The following PARD3B variants were observed in gnomAD, a reference collection of about 807,000 sequenced individuals.
PARD3B encodes the protein par-3 family cell polarity regulator beta, also known as partitioning defective 3 homolog B.
PARD3B carries 103 observed loss-of-function variants against 130.2 expected under a neutral mutation model. That is an observed-to-expected ratio of 0.79 (90% CI 0.67 to 0.93). The LOEUF (loss-of-function observed/expected upper bound fraction) is 0.93, where lower values mean the gene tolerates loss of function less well. Among genes scored for constraint, PARD3B ranks in the 40% least tolerant of loss-of-function variants. PARD3B has a pLI of 0.00. For synonymous variants in PARD3B, 583 were observed against 553.2 expected (o/e 1.05, Z -0.76); for missense variants, 1,609 against 1,499.2 (o/e 1.07, Z -1.21).
At chr2:204,564,642 G>A (rs1429547537) in intron 1 of PARD3B, among the ~76,000 whole-genome samples, 1 of 152,054 alleles carries the variant, frequency 6.6e-6, no homozygotes, top group East Asian at 1.9e-4. Context: ...AAAAAAATGT[G>A]GTGAGAACCA....
intron 19 of PARD3B, among the ~76,000 whole-genome samples, chr2:205,426,893 TC>T (rs1261273067): frequency 6.6e-6 from 1 of 152,122 alleles, no homozygotes; most frequent in African/African-American, 2.4e-5. Context: ...CTAATATTGC[TC>T]CTATTCAAAG....
chr2:204,747,965 G>A (rs907112716), intron 2 of PARD3B, among the ~76,000 whole-genome samples: 1 of 152,078 alleles, frequency 6.6e-6, no homozygotes, highest in Non-Finnish European at 1.5e-5. Context: ...GATACTCAGA[G>A]TTGAGTAAGA....
intron 18 of PARD3B, among the ~76,000 whole-genome samples, chr2:205,380,732 GA>G (rs1372447246): frequency 4.2e-4 from 39 of 93,926 alleles, no homozygotes; most frequent in Non-Finnish European, 6.5e-4. Flanking sequence ...TATATATAAA[GA>G]ATATACATTA....
chr2:204,992,506 T>A, intron 3 of PARD3B, among the ~76,000 whole-genome samples: 1 of 148,048 alleles, frequency 6.8e-6, no homozygotes, highest in African/African-American at 2.5e-5. Context: ...TGAAGTCAAG[T>A]AGTGTGATGC....
At chr2:204,940,190 T>G (rs1171644743) in intron 2 of PARD3B, among the ~76,000 whole-genome samples, 1 of 152,204 alleles carries the variant, frequency 6.6e-6, no homozygotes, top group Non-Finnish European at 1.5e-5. Context: ...TCAAAGTGTT[T>G]AGTGCCTTTT....
At chr2:205,520,878 C>T (rs1200224036) in intron 21 of PARD3B, among the ~76,000 whole-genome samples, 1 of 151,828 alleles carries the variant, frequency 6.6e-6, no homozygotes, top group African/African-American at 2.4e-5. Context: ...ATTGGTTAAT[C>T]ACTTTACCAT....
chr2:205,047,844 A>G (rs563133413), intron 4 of PARD3B, 154 bp downstream of exon 4: 10 of 543,776 alleles, frequency 1.8e-5, no homozygotes, highest in South Asian at 1.1e-4. Context: ...AGTATGGGCT[A>G]TTACTTGTAT....
chr2:204,830,267 T>C (rs987034930), intron 2 of PARD3B, among the ~76,000 whole-genome samples: 3 of 152,140 alleles, frequency 2.0e-5, no homozygotes, highest in African/African-American at 7.2e-5. Flanking sequence ...ACCAGATCCC[T>C]CTCCAAAAGT....
chr2:204,670,659 G>T (rs572279043), intron 1 of PARD3B, among the ~76,000 whole-genome samples: 3 of 152,032 alleles, frequency 2.0e-5, no homozygotes, highest in African/African-American at 7.2e-5. Flanking sequence ...CAAGCTATAC[G>T]TTTTTTTCTC....
In PARD3B at chr2:205,229,757, G is replaced by A. The variant is rs1177340342; in HGVS notation, c.2141-16021G>A. ...GTGTCCTTCCCTTCAGGACAGCAAG[G>A]TCCCCCTGGCCTCGAGTGAGTCCAC... On this transcript the variant is annotated intron_variant, in intron 15 of 22. Coordinates refer to ENST00000406610, the MANE Select transcript of PARD3B (RefSeq NM_001302769.2). The surrounding 1 kb of genome is among the most constrained non-coding windows in gnomAD (Gnocchi z 5.2). Among the ~76,000 whole-genome samples, 1 of 152,028 alleles carries A rather than the reference G, an allele frequency of 6.6e-6. No homozygotes were observed. The highest frequency in any genetic ancestry group is 1.5e-5 in the Non-Finnish European group (1 of 68,018).
intron 3 of PARD3B, among the ~76,000 whole-genome samples, chr2:205,018,749 A>AAAAAAAG (rs1559359658): frequency 2.1e-4 from 25 of 120,030 alleles, no homozygotes; most frequent in Non-Finnish European, 2.9e-4. Context: ...AAAAAAAAAA[A>AAAAAAAG]AGCACGCTGA....
At chr2:204,923,752 A>T (rs531322211) in intron 2 of PARD3B, among the ~76,000 whole-genome samples, 4 of 152,160 alleles carry the variant, frequency 2.6e-5, no homozygotes, top group Admixed American at 2.6e-4. Context: ...GCTAACTTTT[A>T]GAAAAAAGCA....
chr2:205,478,285 G>C (rs553119046), intron 20 of PARD3B, among the ~76,000 whole-genome samples: 3 of 152,134 alleles, frequency 2.0e-5, no homozygotes, highest in Admixed American at 6.5e-5. Context: ...ACCTGTCTGT[G>C]TGTCTCTCCT....
chr2:205,212,625 G>A (rs1257013544), intron 15 of PARD3B, among the ~76,000 whole-genome samples: 3 of 152,086 alleles, frequency 2.0e-5, no homozygotes, highest in Non-Finnish European at 4.4e-5. Flanking sequence ...GGAATTAACT[G>A]CAGAGCAGCA....
chr2:204,566,009 C>T (rs1367881288), intron 1 of PARD3B, among the ~76,000 whole-genome samples: 6 of 152,114 alleles, frequency 3.9e-5, no homozygotes, highest in Non-Finnish European at 8.8e-5. Flanking sequence ...TTTTAACTAC[C>T]AATGAGTGGC....
intron 2 of PARD3B, among the ~76,000 whole-genome samples, chr2:204,713,371 C>T (rs114550714): frequency 0.034 from 5,171 of 151,608 alleles, 329 homozygotes; most frequent in African/African-American, 0.12. Context: ...ATGTCCATTT[C>T]ATCCCAATAA....
chr2:204,679,663 A>G (rs1468617075), intron 1 of PARD3B, among the ~76,000 whole-genome samples: 1 of 151,152 alleles, frequency 6.6e-6, no homozygotes, highest in Non-Finnish European at 1.5e-5. Flanking sequence ...AAATGTTACA[A>G]TTTTTTTTTA....
intron 2 of PARD3B, among the ~76,000 whole-genome samples, chr2:204,761,598 C>CAA (rs67376172): frequency 3.4e-5 from 5 of 146,460 alleles, no homozygotes; most frequent in African/African-American, 1.3e-4. Flanking sequence ...CTAAAAATTA[C>CAA]AAAAAAAAAA....
chr2:205,534,055 C>CAAAAAAAA (rs71410823), intron 21 of PARD3B, among the ~76,000 whole-genome samples: 9 of 129,418 alleles, frequency 7.0e-5, no homozygotes, highest in African/African-American at 2.1e-4. Context: ...GTGAAAAAGC[C>CAAAAAAAA]AAAAAAAAAA....
Sources: allele counts gnomAD v4.1 joint callset (sites outside exome capture counted in the v4.1 genomes callset), GRCh38; gene constraint gnomAD v4.1.1; non-coding constraint Gnocchi (gnomAD v3.1); transcripts MANE v1.5; gene names NCBI Gene and HGNC (gene_info 2026-07-23, HGNC 2026-07-21).